The following ANKRD26 variants were observed in gnomAD, a reference collection of about 807,000 sequenced individuals.
ANKRD26 encodes ankyrin repeat domain 26.
In ANKRD26, 141 loss-of-function variants were observed where a neutral mutation model predicts 208.7. That is an observed-to-expected ratio of 0.68 (90% CI 0.59 to 0.78). ANKRD26 has a LOEUF of 0.78. ANKRD26 is among the 30% of genes least tolerant of loss of function. The pLI is 0.00. For missense variants in ANKRD26, 1,889 were observed against 1,938.7 expected, an observed-to-expected ratio of 0.97 and a Z score of 0.48; for synonymous variants, 636 against 660.4, an observed-to-expected ratio of 0.96 and a Z score of 0.57.
At chr10:27,076,861 C>G (rs75052819) in intron 9 of ANKRD26, among the ~76,000 whole-genome samples, 1 of 151,830 alleles carries the variant, frequency 6.6e-6, no homozygotes, top group African/African-American at 2.4e-5. Flanking sequence ...ATTTTAAAAC[C>G]GCCAACAAGA....
chr10:27,095,605 T>G (rs577161463), intron 1 of ANKRD26, among the ~76,000 whole-genome samples: 7 of 152,012 alleles, frequency 4.6e-5, no homozygotes, highest in Non-Finnish European at 7.4e-5. Flanking sequence ...GGTGGCAGAG[T>G]TGGAGTAAGC....
At chr10:26,974,531 T>A (rs537137836) in exon 6 of ANKRD26, among the ~76,000 whole-genome samples, 2 of 152,094 alleles carry the variant, frequency 1.3e-5, no homozygotes, top group African/African-American at 4.8e-5. Flanking sequence ...TAGTAGAGAT[T>A]GGGTTTCACC....
At chr10:27,014,413 A>C (rs758135615) in intron 31 of ANKRD26, 81 bp downstream of exon 31, 9 of 1,108,604 alleles carry the variant, frequency 8.1e-6, no homozygotes, top group Non-Finnish European at 1.2e-5. Flanking sequence ...CTTCCCATTA[A>C]TCTCATGAAC....
chr10:27,010,714 C>T (rs976221805), intron 32 of ANKRD26, among the ~76,000 whole-genome samples: 19 of 152,138 alleles, frequency 1.2e-4, no homozygotes, highest in African/African-American at 4.1e-4. Flanking sequence ...CACTATGTTT[C>T]CCAGCCTGGT....
the ANKRD26 span, among the ~76,000 whole-genome samples, chr10:26,960,242 A>T: frequency 6.6e-6 from 1 of 152,076 alleles, no homozygotes; most frequent in African/African-American, 2.4e-5. Flanking sequence ...GGCAGAAATG[A>T]CCCTGTGCCA....
At chr10:27,042,516 G>C (rs2054279062) in intron 20 of ANKRD26, among the ~76,000 whole-genome samples, 1 of 152,138 alleles carries the variant, frequency 6.6e-6, no homozygotes, top group African/African-American at 2.4e-5. Context: ...CACTTTGGGA[G>C]GCCAAGGCGG....
chr10:27,065,699 C>T (rs1292607782), intron 11 of ANKRD26, among the ~76,000 whole-genome samples: 3 of 144,270 alleles, frequency 2.1e-5, no homozygotes, highest in Admixed American at 7.0e-5. Context: ...AAGTACCAGG[C>T]ATTATCTTTT....
intron 30 of ANKRD26, among the ~76,000 whole-genome samples, chr10:27,016,022 C>T (rs1200280278): frequency 6.6e-6 from 1 of 152,142 alleles, no homozygotes; most frequent in Admixed American, 6.5e-5. Context: ...CTCAGTCTGT[C>T]GCCCATGCTT....
downstream of ANKRD26, among the ~76,000 whole-genome samples, chr10:26,971,375 C>G (rs1377389950): frequency 6.6e-6 from 1 of 151,390 alleles, no homozygotes; most frequent in Non-Finnish European, 1.5e-5. Flanking sequence ...AAAGTGAAAC[C>G]TTGTCTCAAA....
intron 6 of ANKRD26, among the ~76,000 whole-genome samples, chr10:27,082,203 T>G (rs1445864790): frequency 1.3e-5 from 2 of 152,106 alleles, no homozygotes; most frequent in African/African-American, 4.8e-5. Flanking sequence ...TCTAACTGGA[T>G]GCTAAATATA....
At chr10:27,042,094 C>A in intron 20 of ANKRD26, among the ~76,000 whole-genome samples, 1 of 151,750 alleles carries the variant, frequency 6.6e-6, no homozygotes, top group Admixed American at 6.6e-5. Flanking sequence ...AGATAAAACT[C>A]AGGAGCATCT....
chr10:27,049,046 T>C (rs191099104), intron 16 of ANKRD26, 67 bp from the exon 17 acceptor site: 2 of 1,362,684 alleles, frequency 1.5e-6, no homozygotes, highest in East Asian at 2.5e-5. Flanking sequence ...TTTGTTTTCA[T>C]TGAGTTTATC....
chr10:27,088,903 C>T (rs2056206921), intron 4 of ANKRD26, among the ~76,000 whole-genome samples: 1 of 152,166 alleles, frequency 6.6e-6, no homozygotes, highest in Non-Finnish European at 1.5e-5. Context: ...ATATGGTCTC[C>T]ATATAAGGTT....
At chr10:27,096,741 A>G (rs1162554194) in intron 1 of ANKRD26, among the ~76,000 whole-genome samples, 1 of 147,166 alleles carries the variant, frequency 6.8e-6, no homozygotes. Context: ...ACTCCAGCCC[A>G]GGAGACAGAG....
At chr10:27,091,245 T>A (rs2056290115) in intron 4 of ANKRD26, among the ~76,000 whole-genome samples, 1 of 152,186 alleles carries the variant, frequency 6.6e-6, no homozygotes, top group Non-Finnish European at 1.5e-5. Flanking sequence ...ATCCCCCTTT[T>A]TATATCAGAA....
downstream of ANKRD26, among the ~76,000 whole-genome samples, chr10:26,972,086 T>C (rs1194660330): frequency 2.0e-5 from 3 of 151,818 alleles, no homozygotes; most frequent in Admixed American, 1.3e-4. Flanking sequence ...ATACAAAAAA[T>C]TAGCCAGGCG....
At chr10:26,975,508 T>C (rs1452498338) in exon 6 of ANKRD26, among the ~76,000 whole-genome samples, 1 of 146,614 alleles carries the variant, frequency 6.8e-6, no homozygotes, top group African/African-American at 2.6e-5. Context: ...ATAACAGGCA[T>C]GAGCCACTGT....
intron 6 of ANKRD26, among the ~76,000 whole-genome samples, chr10:27,081,749 T>G (rs2055911799): frequency 1.3e-5 from 2 of 152,100 alleles, no homozygotes; most frequent in African/African-American, 4.8e-5. Context: ...CTATGCTTTT[T>G]TTTTTTGAGA....
the ANKRD26 span, among the ~76,000 whole-genome samples, chr10:26,948,093 TC>T: frequency 3.9e-5 from 6 of 152,306 alleles, no homozygotes; most frequent in South Asian, 1.2e-3. Flanking sequence ...GGCAGACGCC[TC>T]CATGCCCAGC....
Sources: allele counts gnomAD v4.1 joint callset (sites outside exome capture counted in the v4.1 genomes callset), GRCh38; gene constraint gnomAD v4.1.1; transcripts MANE v1.5; gene names NCBI Gene and HGNC (gene_info 2026-07-23, HGNC 2026-07-21).